Variants in ZFP64 observed in about 807,000 individuals in gnomAD.
ZFP64 encodes the protein ZFP64 zinc finger protein.
A neutral mutation model predicts 51.6 loss-of-function variants in ZFP64; 14 were observed. The observed-to-expected ratio is 0.27, with a 90% confidence interval of 0.18 to 0.42. The LOEUF (loss-of-function observed/expected upper bound fraction) is 0.42, where lower values mean the gene tolerates loss of function less well. Among genes scored for constraint, ZFP64 ranks in the 10% least tolerant of loss-of-function variants. The pLI is 1.00. For missense variants in ZFP64, 754 were observed against 906.8 expected, an observed-to-expected ratio of 0.83 and a Z score of 2.16; for synonymous variants, 375 against 361.4, an observed-to-expected ratio of 1.04 and a Z score of -0.43.
chr20:52,153,508 T>G lies in ZFP64; in HGVS notation c.764-80A>C. On this transcript the variant is annotated intron_variant, in intron 5 of 5. Transcript: ENST00000216923. The surrounding 1 kb of genome is among the most constrained non-coding windows in gnomAD (Gnocchi z 5.1). ...TCCCCCCGAAGCACACACCAGAAAA[T>G]CGCTTATACAAGGTGGGTGGGTGCA... 6.6e-7 allele frequency: 1 copy of G among 1,506,972 alleles called. No homozygotes were observed. Among genetic ancestry groups the G allele is most frequent in the Non-Finnish European group, 8.9e-7 (1 of 1,126,286 alleles). The allele number at this position is 1,506,972 out of a possible 1,614,324, so 93.4% of individuals were successfully genotyped here.
At position 52,126,118 on chromosome 20, in the gene ZFP64, G is replaced by A. The variant is rs77276475; in HGVS notation, c.764-27531C>T. 2.0e-5 allele frequency among the ~76,000 whole-genome samples: 3 copies of A among 152,174 alleles called. No individual in the cohort carries two copies. In the East Asian group the frequency reaches 5.8e-4, roughly 29 times the overall value. ...TTACCATGTTGGCCAGGCTGGTCTCGAACTCTTGACCTCAGGTGATGCGCC... is the reference window on the plus strand; with the variant it reads ...TTACCATGTTGGCCAGGCTGGTCTCAAACTCTTGACCTCAGGTGATGCGCC... On this transcript the variant is annotated intron_variant, in intron 5 of 8. Transcript: ENST00000361387.
Position 52,186,822 on chromosome 20 carries a change from C to G in ZFP64, c.286+10G>C. On this transcript the variant is annotated intron_variant, in intron 2 of 5. Coordinates refer to ENST00000216923, the MANE Select transcript of ZFP64 (RefSeq NM_018197.3). ...CAATTCTGGCCGACTCCCCCATGCT[C>G]CAGCTGTACCTGTGATTGTCTGGGT... The G allele has an allele frequency of 1.3e-6, 2 of 1,596,308 alleles. No homozygotes were observed. Among genetic ancestry groups the G allele is most frequent in the Non-Finnish European group, 8.6e-7 (1 of 1,165,710 alleles).
chr20:52,135,426 C>A (rs1979921606), intron 5 of ZFP64, among the ~76,000 whole-genome samples: 1 of 152,160 alleles, frequency 6.6e-6, no homozygotes, highest in African/African-American at 2.4e-5. Flanking sequence ...CTGATTCCTG[C>A]TCTATGGCAA....
At chr20:52,123,372 A>T (rs866973212) in intron 5 of ZFP64, among the ~76,000 whole-genome samples, 1 of 152,208 alleles carries the variant, frequency 6.6e-6, no homozygotes, top group African/African-American at 2.4e-5. Context: ...ATTGCATGCT[A>T]CGGAGAAATC....
downstream of ZFP64, among the ~76,000 whole-genome samples, chr20:52,148,818 C>G (rs886149618): frequency 1.3e-4 from 20 of 152,036 alleles, no homozygotes; most frequent in African/African-American, 4.6e-4. Context: ...GAAGGATGGA[C>G]GTTCTTAGAA....
intron 6 of ZFP64, among the ~76,000 whole-genome samples, chr20:52,098,172 CAAAA>C (rs34173401): frequency 3.2e-5 from 4 of 124,090 alleles, no homozygotes; most frequent in Non-Finnish European, 3.3e-5. Context: ...AAACTGTCTC[CAAAA>C]AAAAAAAAAA....
intron 5 of ZFP64, among the ~76,000 whole-genome samples, chr20:52,130,465 C>T (rs1031864621): frequency 7.9e-5 from 12 of 152,086 alleles, no homozygotes; most frequent in South Asian, 4.1e-4. Flanking sequence ...GCTCCTGCCT[C>T]GGCCTCCCAA....
chr20:52,140,127 C>T (rs1980186325), intron 5 of ZFP64, among the ~76,000 whole-genome samples: 1 of 152,104 alleles, frequency 6.6e-6, no homozygotes, highest in African/African-American at 2.4e-5. Flanking sequence ...TCTGACTGCT[C>T]CACAGAACAG....
chr20:52,128,011 G>A lies in ZFP64; in HGVS notation c.764-29424C>T, dbSNP rs142201170. Among the ~76,000 whole-genome samples the A allele has an allele frequency of 3.3e-4, 50 of 152,188 alleles. 1 individual carries two copies. Among genetic ancestry groups the A allele is most frequent in the Admixed American group, 2.4e-3 (36 of 15,278 alleles). ...TGTGGCTCTGTGGAGCTTGGCTCTG[G>A]GCTGTGGTTTGGATTGAGGTGTGTT... On this transcript the variant is annotated intron_variant, in intron 5 of 8. Coordinates refer to the ZFP64 transcript ENST00000361387.
At chr20:52,156,908 A>C (rs1981367244) in intron 5 of ZFP64, among the ~76,000 whole-genome samples, 1 of 152,246 alleles carries the variant, frequency 6.6e-6, no homozygotes, top group Admixed American at 6.5e-5. Flanking sequence ...TATAAGCTGC[A>C]TATGATAAAA....
At chr20:52,091,536 T>G (rs1362740735) in intron 7 of ZFP64, among the ~76,000 whole-genome samples, 2 of 152,150 alleles carry the variant, frequency 1.3e-5, no homozygotes, top group African/African-American at 2.4e-5. Context: ...ATGAGAGAGT[T>G]CAGTATGTAG....
chr20:52,183,949 T>G (rs1983787478), intron 2 of ZFP64, among the ~76,000 whole-genome samples: 1 of 152,072 alleles, frequency 6.6e-6, no homozygotes, highest in Non-Finnish European at 1.5e-5. Flanking sequence ...CTCCTGGGTT[T>G]AAGAGATTCT....
At chr20:52,173,961 C>G (rs1302974321) in intron 2 of ZFP64, among the ~76,000 whole-genome samples, 1 of 152,106 alleles carries the variant, frequency 6.6e-6, no homozygotes, top group Admixed American at 6.6e-5. Context: ...TACATCCTTA[C>G]TTTTTATACA....
rs1280334865 is a variant in ZFP64, at chr20:52,186,852, G to A, written c.266C>T (p.Ser89Leu). 1 of 1,610,816 alleles carries A rather than the reference G, an allele frequency of 6.2e-7. No individual in the cohort carries two copies. The highest frequency in any genetic ancestry group is 1.3e-5 in the African/African-American group (1 of 74,846). Reference sequence around the variant, plus strand: ...TGTACCTGTGATTGTCTGGGTCTCCGAGGTGATGGTTCTGGTGGTGGTCTG... The same window carrying A: ...TGTACCTGTGATTGTCTGGGTCTCCAAGGTGATGGTTCTGGTGGTGGTCTG... ...QTQTTTRTIT[S>L]ETQTITVSAP... Residue 89 changes from serine to leucine, a missense_variant, in exon 2 of 6, where the codon TCG becomes TTG. Coordinates refer to ENST00000216923, the MANE Select transcript of ZFP64 (RefSeq NM_018197.3).
At chr20:52,133,985 T>G (rs1366846574) in intron 5 of ZFP64, among the ~76,000 whole-genome samples, 4 of 142,622 alleles carry the variant, frequency 2.8e-5, no homozygotes, top group African/African-American at 8.1e-5. Flanking sequence ...GCCATGATCA[T>G]GCCATTGCAT....
downstream of ZFP64, among the ~76,000 whole-genome samples, chr20:52,147,525 A>G (rs1231231215): frequency 3.9e-5 from 6 of 152,190 alleles, no homozygotes; most frequent in Non-Finnish European, 2.9e-5. Flanking sequence ...GAAGAGATGA[A>G]ACAATCTGAA....
chr20:52,128,920 C>A (rs1600732798), intron 5 of ZFP64, among the ~76,000 whole-genome samples: 1 of 151,770 alleles, frequency 6.6e-6, no homozygotes, highest in East Asian at 1.9e-4. Flanking sequence ...TTTAAATTTT[C>A]TTTCTTTTTC....
At chr20:52,109,795 A>AAAAAAAAG in intron 5 of ZFP64, among the ~76,000 whole-genome samples, 1 of 151,574 alleles carries the variant, frequency 6.6e-6, no homozygotes, top group East Asian at 1.9e-4. Context: ...AAAAAAAAAA[A>AAAAAAAAG]AAAAAAAGAA....
chr20:52,088,251 AT>A (rs1344747545), intron 8 of ZFP64: 1 of 1,358,112 alleles, frequency 7.4e-7, no homozygotes, highest in African/African-American at 1.5e-5. Context: ...AAAATGACAA[AT>A]CTCACAATTA....
Sources: allele counts gnomAD v4.1 joint callset (sites outside exome capture counted in the v4.1 genomes callset), GRCh38; gene constraint gnomAD v4.1.1; non-coding constraint Gnocchi (gnomAD v3.1); transcripts MANE v1.5; gene names NCBI Gene and HGNC (gene_info 2026-07-23, HGNC 2026-07-21).